Variants in CCDC92 observed in about 807,000 individuals in gnomAD.
CCDC92 encodes coiled-coil domain containing 92.
CCDC92 carries 12 observed loss-of-function variants against 24.9 expected under a neutral mutation model. That is an observed-to-expected ratio of 0.48 (90% CI 0.31 to 0.78). The LOEUF (loss-of-function observed/expected upper bound fraction) is 0.78. Ranked by LOEUF, CCDC92 falls within the 30% of genes least tolerant of loss-of-function variation. The pLI is 0.05. For missense variants in CCDC92, 399 were observed against 439.4 expected (o/e 0.91, Z 0.82); for synonymous variants, 193 against 196.3 (o/e 0.98, Z 0.14).
At chr12:123,946,101 A>G (rs1181608040) in intron 1 of CCDC92, 4 of 22,744 alleles carry the variant, frequency 1.8e-4, no homozygotes, top group African/African-American at 6.4e-4. Flanking sequence ...CCTCACCCAA[A>G]TCCCTGCCAG....
At chr12:123,956,959 ATTTTC>A (rs1956163044) in intron 1 of CCDC92, among the ~76,000 whole-genome samples, 1 of 152,130 alleles carries the variant, frequency 6.6e-6, no homozygotes, top group Admixed American at 6.5e-5. Context: ...GCAATCCAGT[ATTTTC>A]TTATTCTTAC....
chr12:123,972,064 T>C (rs1956561039), intron 1 of CCDC92: 1 of 152,086 alleles, frequency 6.6e-6, no homozygotes, highest in South Asian at 2.1e-4. Flanking sequence ...GCACCTGCAA[T>C]GCGGATCCCT....
At chr12:123,944,208 A>G (rs924509962) in intron 2 of CCDC92, 64 bp downstream of exon 2, 82 of 1,049,824 alleles carry the variant, frequency 7.8e-5, no homozygotes, top group African/African-American at 5.2e-4. Flanking sequence ...TCTGTCCCCA[A>G]TGCTTGGCCC....
intron 1 of CCDC92, chr12:123,971,935 G>C (rs962828127): frequency 6.6e-6 from 1 of 152,360 alleles, no homozygotes; most frequent in Middle Eastern, 3.2e-3. Flanking sequence ...ACTTGTCAGG[G>C]AGGGTCTCTA....
In CCDC92 at chr12:123,957,976, G is replaced by C. The variant is rs533806025; in HGVS notation, c.-59-13612C>G. ...GGCCTCTGAAAGTGCTGGGATTACAGATGTGAACCACCACTCTCGGCCTAT... is the reference window on the plus strand; with the variant it reads ...GGCCTCTGAAAGTGCTGGGATTACACATGTGAACCACCACTCTCGGCCTAT... On this transcript the variant is annotated intron_variant, in intron 1 of 4. Transcript: ENST00000238156. Among the ~76,000 whole-genome samples, 14 of 152,182 alleles carry C rather than the reference G, an allele frequency of 9.2e-5. No individual in the cohort carries two copies. In the East Asian group the frequency reaches 2.7e-3, roughly 29 times the overall value.
At chr12:123,938,080 A>G (rs368923803) in intron 4 of CCDC92, among the ~76,000 whole-genome samples, 18 of 152,350 alleles carry the variant, frequency 1.2e-4, no homozygotes, top group East Asian at 1.2e-3. Context: ...TCTGAACCTT[A>G]AAGATGCTGA....
At position 123,936,991 on chromosome 12, in the gene CCDC92, G is replaced by A; in HGVS notation, c.*67C>T. ...GGCATGCATGGGATTAAACAGAAAAGGTGTGGCTGAGATTTCCCAGTGGTG... is the reference window on the plus strand; with the variant it reads ...GGCATGCATGGGATTAAACAGAAAAAGTGTGGCTGAGATTTCCCAGTGGTG... On this transcript the variant is annotated 3_prime_UTR_variant, in exon 5 of 5. Transcript: ENST00000238156. 1 of 1,562,102 alleles carries A rather than the reference G, an allele frequency of 6.4e-7. No homozygotes were observed. The highest frequency in any genetic ancestry group is 1.4e-5 in the African/African-American group (1 of 73,932).
At chr12:123,965,570 T>C (rs1956373744) in intron 1 of CCDC92, among the ~76,000 whole-genome samples, 1 of 152,116 alleles carries the variant, frequency 6.6e-6, no homozygotes, top group South Asian at 2.1e-4. Context: ...CTTCCTTTGG[T>C]GAATAACACG....
At chr12:123,946,146 T>A (rs1039563314) in intron 1 of CCDC92, 13 of 151,702 alleles carry the variant, frequency 8.6e-5, no homozygotes, top group African/African-American at 3.2e-4. Context: ...CCTGCTCCAT[T>A]CTGCTCTCCA....
chr12:123,968,497 G>GA (rs1026927015), intron 1 of CCDC92: 47 of 152,012 alleles, frequency 3.1e-4, no homozygotes, highest in African/African-American at 1.0e-3. Flanking sequence ...TTTTTTTCCT[G>GA]AAAAAATAAA....
intron 1 of CCDC92, among the ~76,000 whole-genome samples, chr12:123,964,456 A>C (rs548109662): frequency 6.4e-4 from 98 of 152,314 alleles, no homozygotes; most frequent in Non-Finnish European, 9.7e-4. Flanking sequence ...CCATAAAGGA[A>C]GCATCTTTAA....
At chr12:123,938,310 G>A (rs566878909) in intron 4 of CCDC92, among the ~76,000 whole-genome samples, 4 of 152,090 alleles carry the variant, frequency 2.6e-5, no homozygotes, top group East Asian at 1.9e-4. Flanking sequence ...TTGCTCTGCC[G>A]CTGGCCGCCT....
intron 1 of CCDC92, among the ~76,000 whole-genome samples, chr12:123,957,649 T>C (rs1000176913): frequency 6.6e-6 from 1 of 151,858 alleles, no homozygotes; most frequent in African/African-American, 2.4e-5. Context: ...ATTTACCAAA[T>C]TTCTATGCAC....
In CCDC92 at chr12:123,943,429, G is replaced by T. The variant is rs755044224; in HGVS notation, c.99C>A (p.Asn33Lys). 9.9e-6 allele frequency: 16 copies of T among 1,614,142 alleles called. No homozygotes were observed. Among genetic ancestry groups the T allele is most frequent in the African/African-American group, 1.3e-5 (1 of 75,066 alleles). Reference protein sequence around the residue: ...LENQLHSAQKNLLFLQREHAS... With the variant: ...LENQLHSAQKKLLFLQREHAS... Reference sequence around the variant, plus strand: ...CATGCTCCCGCTGAAGGAACAGGAGGTTCTTCTGTGCGCTGTGCAGCTGGT... The same window carrying T: ...CATGCTCCCGCTGAAGGAACAGGAGTTTCTTCTGTGCGCTGTGCAGCTGGT... Residue 33 changes from asparagine to lysine, a missense_variant, in exon 3 of 5, where the codon AAC becomes AAA. Asn to Lys is a moderately conservative substitution (Grantham distance 94). Transcript: ENST00000238156.
chr12:123,953,521 G>A (rs1353590951), intron 1 of CCDC92, among the ~76,000 whole-genome samples: 7 of 152,228 alleles, frequency 4.6e-5, no homozygotes, highest in Non-Finnish European at 8.8e-5. Flanking sequence ...GCTCATGCCT[G>A]TAATCCCAGC....
chr12:123,960,482 T>C (rs1354378780), intron 1 of CCDC92, among the ~76,000 whole-genome samples: 1 of 152,260 alleles, frequency 6.6e-6, no homozygotes, highest in Admixed American at 6.5e-5. Context: ...TGCAGCTTAC[T>C]GACACCTGGA....
At chr12:123,958,433 C>A (rs1956200472) in intron 1 of CCDC92, among the ~76,000 whole-genome samples, 1 of 152,204 alleles carries the variant, frequency 6.6e-6, no homozygotes, top group South Asian at 2.1e-4. Context: ...AATGCATGAG[C>A]CAAATGCAGA....
At position 123,972,664 on chromosome 12, in the gene CCDC92, C is replaced by CCCGGG. The variant is rs1293381483; in HGVS notation, c.-200_-196dup. 29 of 147,580 alleles carry CCCGGG rather than the reference C, an allele frequency of 2.0e-4. No homozygotes were observed. Among genetic ancestry groups the CCCGGG allele is most frequent in the African/African-American group, 7.1e-4 (29 of 40,934 alleles). 9.1% of individuals were successfully genotyped at this position (147,580 alleles called of 1,614,324 possible). ...CGGGGCTGCCTGGGCTCGGGCGCTGCCCGGGCCGGGCCGCCGAGGGAGGTC... is the reference window on the plus strand; with the variant it reads ...CGGGGCTGCCTGGGCTCGGGCGCTGCCCGGGCCGGGCCGGGCCGCCGAGGGAGGTC... On this transcript the variant is annotated 5_prime_UTR_variant, in exon 1 of 5. Coordinates refer to ENST00000238156, the MANE Select transcript of CCDC92 (RefSeq NM_025140.3).
chr12:123,937,586 G>C lies in CCDC92; in HGVS notation c.468C>G (p.Ala156=). Reference sequence around the variant, plus strand: ...CGGCGTGCAGCTGGGAGGTCAGGTAGGCGATGGTGCTGGCCCGCTGCTCCA... The same window carrying C: ...CGGCGTGCAGCTGGGAGGTCAGGTACGCGATGGTGCTGGCCCGCTGCTCCA... ...SELEQRASTI[A]YLTSQLHAAK... is the part of the protein sequence containing the mutation. Residue 156 remains alanine (A), a synonymous_variant, in exon 5 of 5, where the codon GCC becomes GCG. Transcript: ENST00000238156. The surrounding 1 kb of genome is among the most constrained non-coding windows in gnomAD (Gnocchi z 8.4). 6.2e-7 allele frequency: 1 copy of C among 1,613,418 alleles called. No homozygotes were observed. The highest frequency in any genetic ancestry group is 8.5e-7 in the Non-Finnish European group (1 of 1,180,032).
Sources: gnomAD v4.1 joint callset for allele counts (sites outside exome capture counted in the v4.1 genomes callset) on GRCh38, gnomAD v4.1.1 for gene constraint, Gnocchi (gnomAD v3.1) non-coding constraint, MANE v1.5 for transcripts, NCBI Gene and HGNC (gene_info 2026-07-23, HGNC 2026-07-21) for gene names.